ANO10: variants seen among roughly 807,000 people sequenced by gnomAD.
ANO10 encodes anoctamin-10.
A neutral mutation model predicts 74.7 loss-of-function variants in ANO10; 77 were observed. The observed-to-expected ratio is 1.03, with a 90% CI of 0.86 to 1.25. The LOEUF is 1.25. Ranked by LOEUF, ANO10 falls within the 50% of genes most tolerant of loss-of-function variation. The pLI is 0.00. For synonymous variants in ANO10, 279 were observed against 284.9 expected, an observed-to-expected ratio of 0.98 and a Z score of 0.21; for missense variants, 721 against 778.1, an observed-to-expected ratio of 0.93 and a Z score of 0.87.
intron 1 of ANO10, among the ~76,000 whole-genome samples, chr3:43,620,629 T>G (rs2083342761): frequency 6.6e-6 from 1 of 152,034 alleles, no homozygotes; most frequent in South Asian, 2.1e-4. Context: ...AACACAAAAA[T>G]TAGCCGGGCA....
At chr3:43,621,077 C>T (rs979146244) in intron 1 of ANO10, among the ~76,000 whole-genome samples, 1 of 152,148 alleles carries the variant, frequency 6.6e-6, no homozygotes, top group Admixed American at 6.5e-5. Flanking sequence ...ATTTAAACTC[C>T]GCAGGATTTA....
At chr3:43,679,687 C>A (rs1229739379) in intron 1 of ANO10, among the ~76,000 whole-genome samples, 1 of 152,170 alleles carries the variant, frequency 6.6e-6, no homozygotes, top group Non-Finnish European at 1.5e-5. Context: ...GGGAGGCATC[C>A]CCCAGTAGGG....
At chr3:43,450,053 T>C (rs1042063048) in intron 11 of ANO10, among the ~76,000 whole-genome samples, 1 of 152,218 alleles carries the variant, frequency 6.6e-6, no homozygotes, top group Non-Finnish European at 1.5e-5. Flanking sequence ...ATGTAAATGG[T>C]ATTATGTTTT....
At chr3:43,625,509 A>G (rs2149556258), upstream of ANO10, among the ~76,000 whole-genome samples, 1 of 152,352 alleles carries the variant, frequency 6.6e-6, no homozygotes, top group Non-Finnish European at 1.5e-5. Context: ...TCAGTAGCAG[A>G]CATGGGCAGC....
chr3:43,369,854 G>C (rs1196768087), intron 12 of ANO10, among the ~76,000 whole-genome samples: 1 of 152,232 alleles, frequency 6.6e-6, no homozygotes, highest in Non-Finnish European at 1.5e-5. Context: ...CCTGAGACAA[G>C]CTAAGTTGTC....
intron 11 of ANO10, among the ~76,000 whole-genome samples, chr3:43,528,079 A>G (rs1370891943): frequency 6.6e-6 from 1 of 152,136 alleles, no homozygotes; most frequent in Non-Finnish European, 1.5e-5. Flanking sequence ...AAGAAACAAC[A>G]TTTTACTATA....
chr3:43,486,173 T>C (rs182845481), intron 11 of ANO10, among the ~76,000 whole-genome samples: 1 of 152,278 alleles, frequency 6.6e-6, no homozygotes, highest in African/African-American at 2.4e-5. Flanking sequence ...AAAAGACACG[T>C]TTACTATCTA....
At chr3:43,658,481 A>T (rs866497367) in intron 1 of ANO10, among the ~76,000 whole-genome samples, 41 of 151,296 alleles carry the variant, frequency 2.7e-4, no homozygotes, top group African/African-American at 8.2e-4. Context: ...TATTATTATT[A>T]TTTTTTGAGA....
At chr3:43,381,376 TA>T (rs1002580550) in intron 12 of ANO10, among the ~76,000 whole-genome samples, 124 of 152,230 alleles carry the variant, frequency 8.1e-4, no homozygotes, top group African/African-American at 2.9e-3. Flanking sequence ...TGGAAAAAGA[TA>T]TTCCATGAAA....
intron 12 of ANO10, among the ~76,000 whole-genome samples, chr3:43,390,420 A>C (rs1348616759): frequency 2.0e-5 from 3 of 152,224 alleles, no homozygotes; most frequent in Non-Finnish European, 4.4e-5. Flanking sequence ...GAACAGTAGC[A>C]GGTTTTTTGT....
At chr3:43,604,545 T>C (rs2082476794) in intron 2 of ANO10, among the ~76,000 whole-genome samples, 1 of 152,104 alleles carries the variant, frequency 6.6e-6, no homozygotes, top group Non-Finnish European at 1.5e-5. Flanking sequence ...CTTTTATATA[T>C]TTTTTAACCA....
chr3:43,627,341 G>A lies in ANO10; in HGVS notation c.-11-21478C>T, dbSNP rs1487615496. ...ACAGCTCTGGGCTGGACATCTTGGAGTGAACAACTCTACTGGGCCAGTCTA... is the reference window on the plus strand; with the variant it reads ...ACAGCTCTGGGCTGGACATCTTGGAATGAACAACTCTACTGGGCCAGTCTA... On this transcript the variant is annotated intron_variant, in intron 1 of 3. Coordinates refer to the ANO10 transcript ENST00000413397. Among the ~76,000 whole-genome samples the A allele has an allele frequency of 2.6e-5, 4 of 152,274 alleles. No homozygotes were observed. The South Asian group carries it at 8.3e-4, about 31-fold the overall frequency.
chr3:43,561,287 A>T lies in ANO10; in HGVS notation c.1409T>A (p.Leu470Ter). ...GVRVKRKVQA[L>*]KADIDATLYE... ...TAATGTAGCATCAATGTCTGCCTTTAAAGCCTGCACCTTCCTCTTCACCCG... is the reference window on the plus strand; with the variant it reads ...TAATGTAGCATCAATGTCTGCCTTTTAAGCCTGCACCTTCCTCTTCACCCG... The change falls in exon 9 of 13, where the codon TTA (leucine) becomes TAA (stop). Residue 470 changes from leucine (L) to a stop codon, truncating the protein, a stop_gained. Coordinates refer to ENST00000292246, the MANE Select transcript of ANO10 (RefSeq NM_018075.5). LOFTEE classifies it high-confidence loss of function. 6.2e-7 allele frequency: 1 copy of T among 1,614,184 alleles called. No individual in the cohort carries two copies. The highest frequency in any genetic ancestry group is 8.5e-7 in the Non-Finnish European group (1 of 1,180,036).
intron 7 of ANO10, among the ~76,000 whole-genome samples, chr3:43,568,465 C>A (rs6441782): frequency 0.56 from 84,313 of 149,312 alleles, 24,605 homozygotes; most frequent in East Asian, 0.87. Flanking sequence ...TGTAAAAGAA[C>A]AGAAATTATA....
At chr3:43,508,422 G>T (rs9682975) in intron 11 of ANO10, among the ~76,000 whole-genome samples, 33,781 of 152,106 alleles carry the variant, frequency 0.22, 4,292 homozygotes, top group Middle Eastern at 0.36. Context: ...AATACCATTT[G>T]ACCCAGCAAT....
chr3:43,684,614 G>A (rs769670977), intron 1 of ANO10, among the ~76,000 whole-genome samples: 2 of 152,064 alleles, frequency 1.3e-5, no homozygotes, highest in African/African-American at 4.8e-5. Context: ...ACATGCTGCT[G>A]TAAAGACACA....
At chr3:43,369,251 C>T (rs1040680692) in intron 12 of ANO10, among the ~76,000 whole-genome samples, 9 of 152,242 alleles carry the variant, frequency 5.9e-5, no homozygotes, top group Admixed American at 2.6e-4. Context: ...GGAAGGAACT[C>T]GGAACCCACT....
At chr3:43,433,610 C>G (rs1291002069) in intron 11 of ANO10, among the ~76,000 whole-genome samples, 1 of 152,284 alleles carries the variant, frequency 6.6e-6, no homozygotes, top group South Asian at 2.1e-4. Context: ...ATATGGAAAA[C>G]TTAAAACCTG....
intron 12 of ANO10, among the ~76,000 whole-genome samples, chr3:43,379,909 G>C (rs573724039): frequency 4.6e-5 from 7 of 152,158 alleles, no homozygotes; most frequent in African/African-American, 1.4e-4. Flanking sequence ...AGAGAAAGGC[G>C]AAGTCCAACT....
Sources: gnomAD v4.1 joint callset for allele counts (sites outside exome capture counted in the v4.1 genomes callset) on GRCh38, gnomAD v4.1.1 for gene constraint, MANE v1.5 for transcripts, NCBI Gene and HGNC (gene_info 2026-07-23, HGNC 2026-07-21) for gene names.